Variants in FGF14 observed in about 807,000 individuals in gnomAD.
The protein encoded by FGF14 is fibroblast growth factor homologous factor 4.
In FGF14, 5 loss-of-function variants were observed where a neutral mutation model predicts 25.5. The ratio of observed to expected loss-of-function variants is 0.20; its 90% CI spans 0.10 to 0.41. The LOEUF (loss-of-function observed/expected upper bound fraction) is 0.41. FGF14 is among the 10% of genes least tolerant of loss of function. The probability of loss-of-function intolerance (pLI) is 1.00; values close to 1 mark genes in which losing one functional copy is unlikely to be tolerated. For synonymous variants in FGF14, 138 were observed against 118.3 expected, an observed-to-expected ratio of 1.17 and a Z score of -1.08; for missense variants, 222 against 320.1, an observed-to-expected ratio of 0.69 and a Z score of 2.34.
chr13:101,956,716 T>G (rs73569506), intron 1 of FGF14, among the ~76,000 whole-genome samples: 2,187 of 150,558 alleles, frequency 0.015, 56 homozygotes, highest in African/African-American at 0.051. Context: ...GGAGTCACAG[T>G]TGGTGGTCTT....
In FGF14 at chr13:101,714,612, C is replaced by A; in HGVS notation, c.*8219G>T. The A allele has an allele frequency of 1.0e-6, 1 of 1,002,490 alleles. No individual in the cohort carries two copies. Among genetic ancestry groups the A allele is most frequent in the Non-Finnish European group, 1.6e-6 (1 of 623,930 alleles). 62.1% of individuals were successfully genotyped at this position (1,002,490 alleles called of 1,614,324 possible). A position where few individuals can be genotyped will look rare whatever the true frequency, so the allele number is the denominator to read the frequency against. On this transcript the variant is annotated 3_prime_UTR_variant, in exon 5 of 5. Transcript: ENST00000376143. Reference sequence around the variant, plus strand: ...CAGTTTGTTATAGAGCCAAGAGACACTCGTCATGCAATGCTTTAGGTGGCT... The same window carrying A: ...CAGTTTGTTATAGAGCCAAGAGACAATCGTCATGCAATGCTTTAGGTGGCT...
chr13:102,353,816 C>T (rs1253583844), intron 1 of FGF14, among the ~76,000 whole-genome samples: 3 of 152,164 alleles, frequency 2.0e-5, no homozygotes, highest in Non-Finnish European at 4.4e-5. Flanking sequence ...TATTTAAAAT[C>T]CTTCTGTGGC....
chr13:102,342,062 G>T (rs538681840), intron 1 of FGF14, among the ~76,000 whole-genome samples: 38 of 152,144 alleles, frequency 2.5e-4, no homozygotes, highest in Non-Finnish European at 4.3e-4. Flanking sequence ...GATTTCAGTA[G>T]AAAATCAGTG....
intron 1 of FGF14, among the ~76,000 whole-genome samples, chr13:102,351,805 C>T (rs941362322): frequency 6.6e-6 from 1 of 152,214 alleles, no homozygotes; most frequent in Non-Finnish European, 1.5e-5. Context: ...GAAAAGAGAG[C>T]CAAGGTGGCT....
intron 3 of FGF14, among the ~76,000 whole-genome samples, chr13:101,820,115 G>A (rs1302750566): frequency 1.3e-5 from 2 of 152,098 alleles, no homozygotes; most frequent in Non-Finnish European, 2.9e-5. Context: ...CTTGCTCATT[G>A]GCCCCAAAGG....
intron 1 of FGF14, among the ~76,000 whole-genome samples, chr13:101,897,303 A>C (rs911593355): frequency 9.2e-5 from 14 of 152,206 alleles, no homozygotes; most frequent in African/African-American, 3.4e-4. Context: ...AGAAATAAGG[A>C]TATTAAGATT....
intron 3 of FGF14, among the ~76,000 whole-genome samples, chr13:101,822,122 C>T (rs2042183878): frequency 1.3e-5 from 2 of 152,060 alleles, no homozygotes; most frequent in Admixed American, 1.3e-4. Context: ...CTTTTAGAAA[C>T]CTTTTCTTTG....
intron 3 of FGF14, among the ~76,000 whole-genome samples, chr13:101,833,212 T>C (rs1170660449): frequency 6.6e-6 from 1 of 152,050 alleles, no homozygotes; most frequent in African/African-American, 2.4e-5. Flanking sequence ...TTATTTGCTT[T>C]TAAAGGATCA....
At chr13:102,076,297 T>A (rs1359270172) in intron 1 of FGF14, among the ~76,000 whole-genome samples, 1 of 152,198 alleles carries the variant, frequency 6.6e-6, no homozygotes, top group East Asian at 1.9e-4. Flanking sequence ...ACCTTTTCTA[T>A]GATTAGATAT....
intron 1 of FGF14, among the ~76,000 whole-genome samples, chr13:102,304,651 A>G (rs1236022351): frequency 2.0e-5 from 3 of 152,198 alleles, no homozygotes; most frequent in African/African-American, 7.2e-5. Flanking sequence ...ACACTGGGCT[A>G]TCTGCCTTGC....
At chr13:102,135,497 AT>A (rs1306061394) in intron 1 of FGF14, among the ~76,000 whole-genome samples, 5 of 152,202 alleles carry the variant, frequency 3.3e-5, no homozygotes, top group South Asian at 4.1e-4. Context: ...TCTCATTAAA[AT>A]TTTTTTAATT....
chr13:101,988,569 A>C (rs1447042212), intron 1 of FGF14, among the ~76,000 whole-genome samples: 1 of 152,026 alleles, frequency 6.6e-6, no homozygotes, highest in African/African-American at 2.4e-5. Context: ...ACATGGATGA[A>C]GCTGGAAACC....
At chr13:101,809,489 G>A (rs2041377317) in intron 3 of FGF14, among the ~76,000 whole-genome samples, 1 of 152,106 alleles carries the variant, frequency 6.6e-6, no homozygotes, top group South Asian at 2.1e-4. Flanking sequence ...TGCTGCTTCA[G>A]TAAACAGTTG....
intron 3 of FGF14, among the ~76,000 whole-genome samples, chr13:101,779,390 C>A (rs1483321920): frequency 6.6e-6 from 1 of 152,096 alleles, no homozygotes; most frequent in Non-Finnish European, 1.5e-5. Flanking sequence ...TCACAATAGT[C>A]AAAAACCAAC....
intron 1 of FGF14, among the ~76,000 whole-genome samples, chr13:102,280,016 A>C (rs887437462): frequency 7.9e-5 from 12 of 152,216 alleles, no homozygotes; most frequent in African/African-American, 2.9e-4. Context: ...GTATGATTTA[A>C]TATATTAGGG....
chr13:102,275,447 A>ATGGATTTCTC lies in FGF14; in HGVS notation c.208+126014_208+126023dup, dbSNP rs1280809396. 3.3e-5 allele frequency among the ~76,000 whole-genome samples: 5 copies of ATGGATTTCTC among 152,294 alleles called. No homozygotes were observed. In the South Asian group the frequency reaches 8.3e-4, roughly 25 times the overall value. On this transcript the variant is annotated intron_variant, in intron 1 of 4. Transcript: ENST00000376131. ...TCTGAAAATTTGTATTTAAAATAGA[A>ATGGATTTCTC]TGGATTTCTCTCCTAATCTTTACAT...
In FGF14 at chr13:101,959,835, T is replaced by A. The variant is rs11069470; in HGVS notation, c.209-84539A>T. Among the ~76,000 whole-genome samples the A allele has an allele frequency of 7.2e-5, 11 of 152,332 alleles. 1 individual carries two copies. Among genetic ancestry groups the A allele is most frequent in the African/African-American group, 2.6e-4 (11 of 41,566 alleles). ...TTCCAGTCATGCTTCATCCATCCTC[T>A]CCTTTCTGTGGTGATTGCCTGGTCT... is the stretch of plus-strand genomic sequence containing the variant. On this transcript the variant is annotated intron_variant, in intron 1 of 4. Coordinates refer to the FGF14 transcript ENST00000376131.
At chr13:102,005,295 A>T (rs949385734) in intron 1 of FGF14, among the ~76,000 whole-genome samples, 1 of 152,214 alleles carries the variant, frequency 6.6e-6, no homozygotes, top group Non-Finnish European at 1.5e-5. Flanking sequence ...AATAAGCCCA[A>T]GAAATGTCTA....
intron 3 of FGF14, among the ~76,000 whole-genome samples, chr13:101,762,212 G>A (rs551715939): frequency 2.4e-4 from 37 of 152,284 alleles, no homozygotes; most frequent in Admixed American, 1.8e-3. Flanking sequence ...TGTGAAAGAG[G>A]GTTAAGCTAC....
Sources: allele counts gnomAD v4.1 joint callset (sites outside exome capture counted in the v4.1 genomes callset), GRCh38; gene constraint gnomAD v4.1.1; transcripts MANE v1.5; gene names NCBI Gene and HGNC (gene_info 2026-07-23, HGNC 2026-07-21).